Variants in SFXN5 observed in about 807,000 individuals in gnomAD.
SFXN5 encodes sideroflexin-5.
In SFXN5, 43 loss-of-function variants were observed where a neutral mutation model predicts 50.2. That is an observed-to-expected ratio of 0.86 (90% CI 0.67 to 1.11). The LOEUF is 1.11. SFXN5 is among the 50% of genes least tolerant of loss of function. The probability of loss-of-function intolerance (pLI) is 0.00; values close to 1 mark genes in which losing one functional copy is unlikely to be tolerated. For missense variants in SFXN5, 463 were observed against 454.1 expected (o/e 1.02, Z -0.18); for synonymous variants, 203 against 185.8 (o/e 1.09, Z -0.75).
chr2:73,040,646 T>C (rs1421096941), intron 3 of SFXN5, among the ~76,000 whole-genome samples: 1 of 152,234 alleles, frequency 6.6e-6, no homozygotes, highest in African/African-American at 2.4e-5. Flanking sequence ...TGGGCCACCC[T>C]AGCCTTATCA....
intron 10 of SFXN5, among the ~76,000 whole-genome samples, chr2:72,979,706 C>CA (rs1671062842): frequency 6.6e-6 from 1 of 152,112 alleles, no homozygotes; most frequent in Non-Finnish European, 1.5e-5. Flanking sequence ...GGAGAAGTTA[C>CA]AATTTTATGA....
intron 5 of SFXN5, 137 bp downstream of exon 5, chr2:73,022,385 A>C: frequency 2.9e-6 from 2 of 700,432 alleles, no homozygotes. Flanking sequence ...GCTGAGGTGA[A>C]TGTAGAGGTG....
chr2:73,004,315 G>GCACACA lies in SFXN5; in HGVS notation c.358-2743_358-2738dup, dbSNP rs59114781. 8.6e-3 allele frequency among the ~76,000 whole-genome samples: 995 copies of GCACACA among 115,644 alleles called. 9 individuals carry two copies. The highest frequency in any genetic ancestry group is 0.022 in the African/African-American group (801 of 36,580). The allele number at this position is 115,644 out of a possible 152,430, so 75.9% of individuals were successfully genotyped here. ...CCAGAGGAGAGGAATGAGTGCGCGC[G>GCACACA]CACACACACACACACACACACACAC... On this transcript the variant is annotated intron_variant, in intron 6 of 13. Coordinates refer to ENST00000272433, the MANE Select transcript of SFXN5 (RefSeq NM_144579.3).
chr2:73,005,040 G>A (rs1281147379), intron 6 of SFXN5, among the ~76,000 whole-genome samples: 2 of 152,154 alleles, frequency 1.3e-5, no homozygotes, highest in Non-Finnish European at 2.9e-5. Context: ...CAGCTTCAAT[G>A]CCAGTGGATT....
At chr2:73,008,352 G>C (rs1675005617) in intron 6 of SFXN5, among the ~76,000 whole-genome samples, 1 of 152,058 alleles carries the variant, frequency 6.6e-6, no homozygotes, top group Non-Finnish European at 1.5e-5. Context: ...GACATGACAT[G>C]GAGCGGGGAG....
At position 72,950,058 on chromosome 2, in the gene SFXN5, G is replaced by C. The variant is rs1221340732; in HGVS notation, c.946-4959C>G. Among the ~76,000 whole-genome samples the C allele has an allele frequency of 6.6e-6, 1 of 151,986 alleles. No homozygotes were observed. The highest frequency in any genetic ancestry group is 1.5e-5 in the Non-Finnish European group (1 of 67,970). Reference sequence around the variant, plus strand: ...AGCTCTGGGCAGGAGAAAGCGCCCGGGATGTGTGAGCATAGCCAGATCCTT... The same window carrying C: ...AGCTCTGGGCAGGAGAAAGCGCCCGCGATGTGTGAGCATAGCCAGATCCTT... On this transcript the variant is annotated intron_variant, in intron 13 of 13. Coordinates refer to ENST00000272433, the MANE Select transcript of SFXN5 (RefSeq NM_144579.3). The surrounding 1 kb of genome is among the most constrained non-coding windows in gnomAD (Gnocchi z 4.2).
At chr2:73,047,285 T>TATATATATATATATATATACAC (rs1268079277) in intron 2 of SFXN5, among the ~76,000 whole-genome samples, 1 of 92,524 alleles carries the variant, frequency 1.1e-5, no homozygotes, top group Non-Finnish European at 2.0e-5. Context: ...TACACACATA[T>TATATATATATATATATATACAC]ATATATATAT....
At chr2:73,036,760 C>A (rs1168369674) in intron 3 of SFXN5, among the ~76,000 whole-genome samples, 1 of 152,248 alleles carries the variant, frequency 6.6e-6, no homozygotes, top group Non-Finnish European at 1.5e-5. Flanking sequence ...GGACCCAACT[C>A]TCACAGGTCT....
intron 6 of SFXN5, chr2:73,019,381 C>T (rs981723319): frequency 6.7e-6 from 1 of 149,912 alleles, no homozygotes; most frequent in Admixed American, 6.6e-5. Flanking sequence ...ATACTGATTC[C>T]TTACCTAAGT....
chr2:72,972,704 T>TG, intron 10 of SFXN5, among the ~76,000 whole-genome samples: 1 of 151,134 alleles, frequency 6.6e-6, no homozygotes, highest in South Asian at 2.1e-4. Context: ...AGGTGGGGAG[T>TG]GGGGGGTGAC....
At chr2:73,029,264 C>A (rs758883097) in intron 3 of SFXN5, among the ~76,000 whole-genome samples, 2 of 152,180 alleles carry the variant, frequency 1.3e-5, no homozygotes, top group East Asian at 1.9e-4. Flanking sequence ...GAGAAACACA[C>A]CTGACTGTGT....
At chr2:72,995,585 G>A (rs966360806) in intron 9 of SFXN5, among the ~76,000 whole-genome samples, 3 of 152,068 alleles carry the variant, frequency 2.0e-5, no homozygotes, top group African/African-American at 7.2e-5. Context: ...CCTGCTTGCA[G>A]CCTGTCGGCC....
rs1390067633 is a variant in SFXN5, at chr2:73,059,220, A to C, written c.103-624T>G. 3.0e-6 allele frequency: 3 copies of C among 985,640 alleles called. No individual in the cohort carries two copies. In the East Asian group the frequency reaches 3.4e-4, roughly 112 times the overall value. The allele number at this position is 985,640 out of a possible 1,614,324, so 61.1% of individuals were successfully genotyped here. On this transcript the variant is annotated intron_variant, in intron 1 of 13. Transcript: ENST00000272433. Reference sequence around the variant, plus strand: ...AGGGCTTTATGCTAAGCGCAGCCACAGGCATTGGAGCACAATGAAAGGAAA... The same window carrying C: ...AGGGCTTTATGCTAAGCGCAGCCACCGGCATTGGAGCACAATGAAAGGAAA...
At chr2:73,044,961 G>T (rs148780615) in intron 2 of SFXN5, among the ~76,000 whole-genome samples, 16 of 152,202 alleles carry the variant, frequency 1.1e-4, no homozygotes, top group Admixed American at 8.5e-4. Flanking sequence ...AGGATACCCC[G>T]ATGGAGGGGA....
intron 9 of SFXN5, among the ~76,000 whole-genome samples, chr2:72,995,615 T>C (rs1364506786): frequency 6.6e-6 from 1 of 152,000 alleles, no homozygotes; most frequent in Non-Finnish European, 1.5e-5. Context: ...GCCGCCTGCT[T>C]GTAGGGACTC....
chr2:72,954,924 C>G (rs1260730060), intron 13 of SFXN5, among the ~76,000 whole-genome samples: 1 of 152,208 alleles, frequency 6.6e-6, no homozygotes, highest in African/African-American at 2.4e-5. Context: ...CAGGAAGAAA[C>G]TTAGTTCCAA....
Position 72,945,672 on chromosome 2 carries a change from T to C in SFXN5, c.946-573A>G, listed in dbSNP as rs1199685307. ...TTCCAGGGGCCATCCCTTCAGCTAC[T>C]CCCTAGCCCAAGGGTCCCTCCCACG... On this transcript the variant is annotated intron_variant, in intron 13 of 13. Coordinates refer to ENST00000272433, the MANE Select transcript of SFXN5 (RefSeq NM_144579.3). The surrounding 1 kb of genome is among the most constrained non-coding windows in gnomAD (Gnocchi z 5.8). Among the ~76,000 whole-genome samples, 2 of 152,086 alleles carry C rather than the reference T, an allele frequency of 1.3e-5. No homozygotes were observed. The highest frequency in any genetic ancestry group is 2.9e-5 in the Non-Finnish European group (2 of 68,006).
At chr2:73,062,553 G>C (rs1309827139) in intron 1 of SFXN5, among the ~76,000 whole-genome samples, 1 of 152,188 alleles carries the variant, frequency 6.6e-6, no homozygotes, top group Admixed American at 6.5e-5. Context: ...CAGCCTTCTT[G>C]TGTCACTTTC....
intron 5 of SFXN5, 151 bp downstream of exon 5, chr2:73,022,371 T>C: frequency 3.0e-6 from 2 of 665,804 alleles, no homozygotes; most frequent in Non-Finnish European, 5.5e-6. Flanking sequence ...CCTTGTACAG[T>C]TGAGCTGAGG....
Sources: gnomAD v4.1 joint callset for allele counts (sites outside exome capture counted in the v4.1 genomes callset) on GRCh38, gnomAD v4.1.1 for gene constraint, Gnocchi (gnomAD v3.1) non-coding constraint, MANE v1.5 for transcripts, NCBI Gene and HGNC (gene_info 2026-07-23, HGNC 2026-07-21) for gene names.